Variants in OR7E24 observed in about 807,000 individuals in gnomAD.
OR7E24 encodes the protein olfactory receptor family 7 subfamily E member 24.
For synonymous variants in OR7E24, 130 were observed against 157.5 expected (o/e 0.83, Z 1.31); for missense variants, 385 against 410.3 (o/e 0.94, Z 0.53).
chr19:9,237,685 T>G, the OR7E24 span, among the ~76,000 whole-genome samples: 1 of 152,200 alleles, frequency 6.6e-6, no homozygotes, highest in Non-Finnish European at 1.5e-5. Flanking sequence ...CCACTAGATG[T>G]GCAGACTGCA....
At chr19:9,238,368 C>T in the OR7E24 span, among the ~76,000 whole-genome samples, 1 of 152,148 alleles carries the variant, frequency 6.6e-6, no homozygotes, top group Non-Finnish European at 1.5e-5. Context: ...CATTGAGCAT[C>T]TTTCCACATG....
the OR7E24 span, among the ~76,000 whole-genome samples, chr19:9,222,872 T>A: frequency 6.6e-6 from 1 of 152,234 alleles, no homozygotes; most frequent in Non-Finnish European, 1.5e-5. Flanking sequence ...ATTCCTTTCT[T>A]GTTCTGGACC....
the OR7E24 span, among the ~76,000 whole-genome samples, chr19:9,230,015 T>C: frequency 6.6e-6 from 1 of 151,656 alleles, no homozygotes; most frequent in Non-Finnish European, 1.5e-5. Context: ...CAGTCCCATA[T>C]TTATTTAGTC....
chr19:9,209,887 T>G, the OR7E24 span: 9 of 152,142 alleles, frequency 5.9e-5, no homozygotes, highest in Non-Finnish European at 1.0e-4. Context: ...ACTCTTGACC[T>G]TGTGATCCGC....
chr19:9,213,998 C>T, the OR7E24 span: 1 of 1,613,948 alleles, frequency 6.2e-7, no homozygotes, highest in African/African-American at 1.3e-5. Flanking sequence ...TGGGGGTGAC[C>T]ATGGCGTACA....
At chr19:9,217,900 G>C in the OR7E24 span, among the ~76,000 whole-genome samples, 4 of 152,152 alleles carry the variant, frequency 2.6e-5, no homozygotes, top group Admixed American at 1.3e-4. Flanking sequence ...GCTGACAGAA[G>C]AGAATTCGAG....
chr19:9,216,874 G>A, the OR7E24 span, among the ~76,000 whole-genome samples: 1 of 152,216 alleles, frequency 6.6e-6, no homozygotes, highest in African/African-American at 2.4e-5. Context: ...TTACAGGCAT[G>A]AGCCACTGTG....
At chr19:9,234,198 G>C in the OR7E24 span, among the ~76,000 whole-genome samples, 68 of 152,276 alleles carry the variant, frequency 4.5e-4, no homozygotes, top group African/African-American at 1.6e-3. Context: ...CACTGTGCCT[G>C]GCCACATGTC....
upstream of OR7E24, among the ~76,000 whole-genome samples, chr19:9,246,218 G>C (rs1171964460): frequency 1.3e-5 from 2 of 150,976 alleles, no homozygotes; most frequent in South Asian, 2.1e-4. Flanking sequence ...TACAGGCACG[G>C]GCCACCACAC....
chr19:9,212,396 A>T, the OR7E24 span: 2 of 152,230 alleles, frequency 1.3e-5, no homozygotes, highest in African/African-American at 4.8e-5. Flanking sequence ...ACTGGCTACC[A>T]AATTTGCAGG....
chr19:9,251,799 G>A lies in OR7E24; in HGVS notation c.756G>A (p.Lys252=), dbSNP rs754665571. 2 of 1,613,024 alleles carry A rather than the reference G, an allele frequency of 1.2e-6. No individual in the cohort carries two copies. Among genetic ancestry groups the A allele is most frequent in the Non-Finnish European group, 1.7e-6 (2 of 1,179,430 alleles). The change falls in exon 1 of 1, where the codon AAG becomes AAA. Residue 252 remains lysine, a synonymous_variant. Transcript: ENST00000456448. ...PILRVPTSDG[K]YKAFSTCGSH... ...TGAGAGTTCCAACATCAGATGGGAA[G>A]TATAAAGCCTTCTCCACCTGTGGCT... is the stretch of plus-strand genomic sequence containing the variant.
At chr19:9,232,034 G>GACTC in the OR7E24 span, among the ~76,000 whole-genome samples, 1 of 152,224 alleles carries the variant, frequency 6.6e-6, no homozygotes, top group South Asian at 2.1e-4. Context: ...CTTGGCAAGG[G>GACTC]TTTCCATTTT....
intron 1 of OR7E24, chr19:9,251,051 AT>A: frequency 2.5e-6 from 4 of 1,575,510 alleles, no homozygotes; most frequent in East Asian, 2.3e-5. Flanking sequence ...CTTATGTCCT[AT>A]TTTCCAATTC....
chr19:9,245,655 C>T (rs906809349), upstream of OR7E24, among the ~76,000 whole-genome samples: 3 of 152,168 alleles, frequency 2.0e-5, no homozygotes, highest in Admixed American at 2.0e-4. Context: ...AACATGGACA[C>T]AAACAATGGT....
the OR7E24 span, among the ~76,000 whole-genome samples, chr19:9,224,258 T>G: frequency 6.6e-6 from 1 of 152,122 alleles, no homozygotes; most frequent in Non-Finnish European, 1.5e-5. Flanking sequence ...CTGTCTAATG[T>G]TACGACTTAG....
the OR7E24 span, among the ~76,000 whole-genome samples, chr19:9,229,764 T>C: frequency 6.6e-6 from 1 of 152,156 alleles, no homozygotes; most frequent in African/African-American, 2.4e-5. Flanking sequence ...ATTTATTTAA[T>C]GAGGCTCTCT....
chr19:9,245,068 T>A (rs1337335084), upstream of OR7E24, among the ~76,000 whole-genome samples: 1 of 147,878 alleles, frequency 6.8e-6, no homozygotes, highest in Non-Finnish European at 1.5e-5. Context: ...ACAAAAAAAA[T>A]TAGCGGGCGG....
At chr19:9,230,066 C>A in the OR7E24 span, among the ~76,000 whole-genome samples, 8 of 145,406 alleles carry the variant, frequency 5.5e-5, no homozygotes, top group African/African-American at 2.1e-4. Context: ...TTTTTTGAGA[C>A]AGAATTTTGC....
At chr19:9,229,838 T>C in the OR7E24 span, among the ~76,000 whole-genome samples, 1 of 152,116 alleles carries the variant, frequency 6.6e-6, no homozygotes, top group Non-Finnish European at 1.5e-5. Context: ...CAAGTGTAAT[T>C]CTCTGATCCC....
Sources: allele counts gnomAD v4.1 joint callset (sites outside exome capture counted in the v4.1 genomes callset), GRCh38; gene constraint gnomAD v4.1.1; transcripts MANE v1.5; gene names NCBI Gene and HGNC (gene_info 2026-07-23, HGNC 2026-07-21).